The following AUH variants were observed in gnomAD, a reference collection of about 807,000 sequenced individuals.
AUH encodes the protein AU RNA binding methylglutaconyl-CoA hydratase.
AUH carries 29 observed loss-of-function variants against 42.3 expected under a neutral mutation model. The observed-to-expected ratio is 0.69, with a 90% CI of 0.51 to 0.93. The LOEUF is 0.93. AUH is among the 40% of genes least tolerant of loss of function. The probability of loss-of-function intolerance (pLI) is 0.00; values close to 1 mark genes in which losing one functional copy is unlikely to be tolerated. For synonymous variants in AUH, 174 were observed against 166.4 expected (o/e 1.05, Z -0.35); for missense variants, 452 against 438.1 (o/e 1.03, Z -0.28).
intron 3 of AUH, among the ~76,000 whole-genome samples, chr9:91,328,507 A>G (rs1830110872): frequency 6.6e-6 from 1 of 152,192 alleles, no homozygotes; most frequent in South Asian, 2.1e-4. Context: ...GGTCGGGTAA[A>G]GAGGGTATAA....
chr9:91,234,868 T>C (rs965746263), intron 6 of AUH, among the ~76,000 whole-genome samples: 3 of 147,940 alleles, frequency 2.0e-5, no homozygotes, highest in Admixed American at 6.8e-5. Context: ...CTAATTTAGA[T>C]TGGGTGGTTG....
chr9:91,328,398 C>T (rs559139244), intron 3 of AUH, among the ~76,000 whole-genome samples: 2 of 152,316 alleles, frequency 1.3e-5, no homozygotes, highest in South Asian at 4.1e-4. Flanking sequence ...GCTGCTTGAG[C>T]AACTAAGGCA....
chr9:91,240,286 C>G (rs1044264284), intron 6 of AUH, among the ~76,000 whole-genome samples: 2 of 152,154 alleles, frequency 1.3e-5, no homozygotes, highest in Non-Finnish European at 2.9e-5. Context: ...CACTGTGCAC[C>G]CCTCCGCCTT....
intron 4 of AUH, among the ~76,000 whole-genome samples, chr9:91,303,433 C>T (rs1827963205): frequency 6.6e-6 from 1 of 152,132 alleles, no homozygotes; most frequent in Admixed American, 6.5e-5. Context: ...CGGGTTCACA[C>T]CATTCTCCTG....
At chr9:91,268,517 G>C (rs193162805) in intron 6 of AUH, among the ~76,000 whole-genome samples, 9 of 152,142 alleles carry the variant, frequency 5.9e-5, no homozygotes, top group African/African-American at 2.2e-4. Context: ...TGCAACCTCG[G>C]CCTTCCAGGT....
intron 1 of AUH, chr9:91,360,307 T>C (rs1398371921): frequency 6.6e-6 from 1 of 152,232 alleles, no homozygotes; most frequent in African/African-American, 2.4e-5. Flanking sequence ...CAGGCTCTAA[T>C]CACTCCAGTG....
chr9:91,283,563 C>T (rs1826149467), intron 6 of AUH, among the ~76,000 whole-genome samples: 1 of 152,158 alleles, frequency 6.6e-6, no homozygotes, highest in African/African-American at 2.4e-5. Context: ...TTAGAAAACC[C>T]CATTGTCTCA....
At position 91,220,919 on chromosome 9, in the gene AUH, G is replaced by T. The variant is rs146636009; in HGVS notation, c.729C>A (p.Leu243=). The T allele has an allele frequency of 6.2e-7, 1 of 1,614,198 alleles. No homozygotes were observed. Among genetic ancestry groups the T allele is most frequent in the Non-Finnish European group, 8.5e-7 (1 of 1,180,038 alleles). The change falls in exon 7 of 10, where the codon CTC becomes CTA. Residue 243 remains leucine, a synonymous_variant. Transcript: ENST00000375731. ...AKELIFSARV[L]DGKEAKAVGL... ...CCACTGCTTTGGCTTCTTTGCCATC[G>T]AGGACTCGCGCAGAGAATATGAGCT...
chr9:91,361,740 C>G lies in AUH; in HGVS notation c.150G>C (p.Trp50Cys). The G allele has an allele frequency of 3.2e-6, 5 of 1,546,680 alleles. No homozygotes were observed. Among genetic ancestry groups the G allele is most frequent in the Non-Finnish European group, 4.4e-6 (5 of 1,145,866 alleles). The change falls in exon 1 of 10, where the codon TGG becomes TGC. Residue 50 changes from tryptophan to cysteine, a missense_variant. Transcript: ENST00000375731. ...LAGRRAGPAI[W>C]AQGWVPAAGG... Reference sequence around the variant, plus strand: ...CGGCCGCAGGTACCCAGCCCTGGGCCCAGATCGCCGGGCCCGCTCGCCGGC... The same window carrying G: ...CGGCCGCAGGTACCCAGCCCTGGGCGCAGATCGCCGGGCCCGCTCGCCGGC...
At chr9:91,324,518 A>AT (rs1438745230) in intron 4 of AUH, among the ~76,000 whole-genome samples, 2 of 146,128 alleles carry the variant, frequency 1.4e-5, no homozygotes, top group Admixed American at 6.8e-5. Flanking sequence ...AAAATCAAAA[A>AT]TTAAAAAAAA....
At chr9:91,336,432 C>T (rs1830691925) in intron 3 of AUH, among the ~76,000 whole-genome samples, 1 of 152,014 alleles carries the variant, frequency 6.6e-6, no homozygotes, top group Non-Finnish European at 1.5e-5. Flanking sequence ...GAGTTTGAGA[C>T]CAGTCTGGCT....
intron 6 of AUH, among the ~76,000 whole-genome samples, chr9:91,288,801 AAAACTAAAAT>A (rs930606002): frequency 6.6e-6 from 1 of 152,154 alleles, no homozygotes; most frequent in Non-Finnish European, 1.5e-5. Context: ...CTTTCTAATA[AAAACTAAAAT>A]TGAGCCTTCT....
chr9:91,234,182 C>G (rs1389121748), intron 6 of AUH, among the ~76,000 whole-genome samples: 1 of 152,172 alleles, frequency 6.6e-6, no homozygotes, highest in Non-Finnish European at 1.5e-5. Flanking sequence ...CAGCCTTGGA[C>G]AGTAGAGGAT....
intron 6 of AUH, among the ~76,000 whole-genome samples, chr9:91,244,634 T>C (rs1450213865): frequency 6.6e-6 from 1 of 152,210 alleles, no homozygotes; most frequent in Non-Finnish European, 1.5e-5. Context: ...GGAAGGTCAG[T>C]GACTTCCTTT....
At chr9:91,289,356 T>C (rs1826672663) in intron 6 of AUH, among the ~76,000 whole-genome samples, 1 of 152,184 alleles carries the variant, frequency 6.6e-6, no homozygotes. Context: ...CCCCACTTAT[T>C]TTCTATTTTT....
intron 3 of AUH, among the ~76,000 whole-genome samples, chr9:91,334,997 A>G (rs918155982): frequency 9.9e-5 from 15 of 152,228 alleles, no homozygotes; most frequent in Non-Finnish European, 1.2e-4. Context: ...GAGTCCTGGA[A>G]TATCTCCAAC....
At chr9:91,339,065 C>T (rs56703453) in intron 3 of AUH, among the ~76,000 whole-genome samples, 3,830 of 151,502 alleles carry the variant, frequency 0.025, 76 homozygotes, top group East Asian at 0.066. Flanking sequence ...CTAAGTAACT[C>T]TTCACACAAT....
At chr9:91,277,173 CA>C (rs1341328018) in intron 6 of AUH, among the ~76,000 whole-genome samples, 1 of 152,170 alleles carries the variant, frequency 6.6e-6, no homozygotes, top group Non-Finnish European at 1.5e-5. Context: ...AAGATTTCCA[CA>C]TACCTTTTAA....
chr9:91,353,374 C>T lies in AUH; in HGVS notation c.418+2509G>A, dbSNP rs144732654. ...TGCTGGAATTACAGGCATGAGCCAC[C>T]GCGCCCAGCAGAGGTTTCTTTTAAT... On this transcript the variant is annotated intron_variant, in intron 3 of 9. Coordinates refer to ENST00000375731, the MANE Select transcript of AUH (RefSeq NM_001698.3). Among the ~76,000 whole-genome samples the T allele has an allele frequency of 2.4e-3, 370 of 152,120 alleles. 1 individual carries two copies. Among genetic ancestry groups the T allele is most frequent in the South Asian group, 0.011 (55 of 4,818 alleles).
Sources: gnomAD v4.1 joint callset for allele counts (sites outside exome capture counted in the v4.1 genomes callset) on GRCh38, gnomAD v4.1.1 for gene constraint, MANE v1.5 for transcripts, NCBI Gene and HGNC (gene_info 2026-07-23, HGNC 2026-07-21) for gene names.